The following HECW1 variants were observed in gnomAD, a reference collection of about 807,000 sequenced individuals.
The protein encoded by HECW1 is HECT, C2 and WW domain containing E3 ubiquitin protein ligase 1, also known as E3 ubiquitin-protein ligase HECW1.
Under a neutral mutation model 182.3 loss-of-function variants are expected in HECW1, and 61 were observed. The ratio of observed to expected loss-of-function variants is 0.33; its 90% CI spans 0.27 to 0.41. The LOEUF (loss-of-function observed/expected upper bound fraction) is 0.41, where lower values mean the gene tolerates loss of function less well. Among genes scored for constraint, HECW1 ranks in the 10% least tolerant of loss-of-function variants. HECW1 has a pLI of 1.00. For synonymous variants in HECW1, 859 were observed against 832.6 expected (o/e 1.03, Z -0.55); for missense variants, 1,739 against 2,108.9 (o/e 0.82, Z 3.44).
intron 8 of HECW1, among the ~76,000 whole-genome samples, chr7:43,429,292 A>ATG (rs2076459497): frequency 2.8e-4 from 1 of 3,574 alleles, no homozygotes; most frequent in Non-Finnish European, 5.5e-4. Context: ...TTATATGCAT[A>ATG]TATATATATA....
At chr7:43,326,588 C>T (rs1048184842) in intron 5 of HECW1, among the ~76,000 whole-genome samples, 3 of 152,228 alleles carry the variant, frequency 2.0e-5, no homozygotes, top group African/African-American at 7.2e-5. Context: ...CACCAGACCC[C>T]CTGCCATAAT....
At chr7:43,558,663 G>A (rs1008113755) in intron 29 of HECW1, among the ~76,000 whole-genome samples, 1 of 152,080 alleles carries the variant, frequency 6.6e-6, no homozygotes, top group African/African-American at 2.4e-5. Context: ...AAAGTGAATC[G>A]TGTCAAGCTG....
chr7:43,210,468 T>C (rs1440198664), intron 2 of HECW1, among the ~76,000 whole-genome samples: 1 of 150,304 alleles, frequency 6.7e-6, no homozygotes, highest in East Asian at 2.0e-4. Context: ...TGTGTGTGTG[T>C]GTGTGTGTGG....
intron 6 of HECW1, among the ~76,000 whole-genome samples, chr7:43,388,479 A>G (rs2074889863): frequency 6.6e-6 from 1 of 152,224 alleles, no homozygotes; most frequent in Non-Finnish European, 1.5e-5. Flanking sequence ...TAATTACAAG[A>G]CTTATGAGTG....
intron 2 of HECW1, among the ~76,000 whole-genome samples, chr7:43,174,912 A>G (rs1302815675): frequency 6.6e-6 from 1 of 152,138 alleles, no homozygotes; most frequent in Non-Finnish European, 1.5e-5. Context: ...GTTTTGTTCT[A>G]TTTAAAATTT....
intron 14 of HECW1, among the ~76,000 whole-genome samples, chr7:43,465,631 G>A (rs1324555693): frequency 2.0e-5 from 3 of 152,212 alleles, no homozygotes; most frequent in Non-Finnish European, 4.4e-5. Flanking sequence ...GAAGAGCAGC[G>A]AAGTCCCAAT....
At chr7:43,407,821 C>T in intron 8 of HECW1, 90 bp downstream of exon 8, 1 of 1,148,920 alleles carries the variant, frequency 8.7e-7, no homozygotes, top group Non-Finnish European at 1.2e-6. Flanking sequence ...ATTCATGGAG[C>T]CCTGGACTCT....
intron 2 of HECW1, among the ~76,000 whole-genome samples, chr7:43,218,096 C>T (rs1161018896): frequency 6.6e-6 from 1 of 152,168 alleles, no homozygotes; most frequent in East Asian, 1.9e-4. Context: ...AAGTCTGTGT[C>T]AAAAAGGATT....
chr7:43,202,979 C>T (rs1477846853), intron 2 of HECW1, among the ~76,000 whole-genome samples: 3 of 152,092 alleles, frequency 2.0e-5, no homozygotes, highest in Admixed American at 6.5e-5. Context: ...ACAGCCCCAC[C>T]CCTATCTCCC....
rs1330685542 is a variant in HECW1, at chr7:43,416,212, G to A, written c.801+8481G>A. Among the ~76,000 whole-genome samples the A allele has an allele frequency of 4.7e-3, 687 of 147,106 alleles. 4 individuals carry two copies. Among genetic ancestry groups the A allele is most frequent in the African/African-American group, 0.018 (655 of 36,904 alleles). ...TGATGTACAGATGGGTTTTCGGTGTGGATGTCCTTTCTGTTTGTTAGTTTT... is the reference window on the plus strand; with the variant it reads ...TGATGTACAGATGGGTTTTCGGTGTAGATGTCCTTTCTGTTTGTTAGTTTT... On this transcript the variant is annotated intron_variant, in intron 8 of 29. Coordinates refer to ENST00000395891, the MANE Select transcript of HECW1 (RefSeq NM_015052.5).
intron 5 of HECW1, among the ~76,000 whole-genome samples, chr7:43,331,822 T>C (rs1811533683): frequency 6.6e-6 from 1 of 152,094 alleles, no homozygotes; most frequent in African/African-American, 2.4e-5. Context: ...GAGCTGGGAT[T>C]TGAGGTCAGG....
intron 24 of HECW1, among the ~76,000 whole-genome samples, chr7:43,540,588 CTT>C (rs1563105727): frequency 6.6e-6 from 1 of 152,188 alleles, no homozygotes; most frequent in Admixed American, 6.5e-5. Flanking sequence ...CTCGTTCTGT[CTT>C]TTATGTGGCT....
chr7:43,554,404 C>G (rs2081951833), intron 28 of HECW1, among the ~76,000 whole-genome samples, 188 bp from the exon 29 acceptor site: 2 of 152,206 alleles, frequency 1.3e-5, no homozygotes, highest in South Asian at 4.1e-4. Flanking sequence ...TAAATCTGCT[C>G]TTGTTCTAAA....
chr7:43,450,913 T>C lies in HECW1; in HGVS notation c.2484T>C (p.Asp828=). ...RPEHHHYPTI[D]EPLPPNWEAR... ...AACATCATCACTACCCAACAATCGA[T>C]GAGCCTCTTCCACCAAGTAAGCTTT... The change falls in exon 12 of 30, where the codon GAT becomes GAC. Residue 828 remains aspartate (D), a synonymous_variant. Transcript: ENST00000395891. 6.2e-7 allele frequency: 1 copy of C among 1,603,802 alleles called. No individual in the cohort carries two copies. The highest frequency in any genetic ancestry group is 8.5e-7 in the Non-Finnish European group (1 of 1,170,702).
At chr7:43,124,829 A>T (rs1786031676) in intron 2 of HECW1, among the ~76,000 whole-genome samples, 3 of 151,964 alleles carry the variant, frequency 2.0e-5, no homozygotes, top group Admixed American at 2.0e-4. Flanking sequence ...TAATTTTAAG[A>T]TTTTTTTTCT....
chr7:43,295,607 G>A (rs1327496690), intron 3 of HECW1, among the ~76,000 whole-genome samples: 1 of 152,342 alleles, frequency 6.6e-6, no homozygotes, highest in Non-Finnish European at 1.5e-5. Context: ...AGGGCAGGGA[G>A]GCAAGAGGCC....
chr7:43,460,807 T>G (rs1027067147), intron 13 of HECW1, among the ~76,000 whole-genome samples: 2 of 152,152 alleles, frequency 1.3e-5, no homozygotes, highest in Admixed American at 6.5e-5. Context: ...CTGCATGACC[T>G]GCTTCCCCAA....
intron 2 of HECW1, among the ~76,000 whole-genome samples, chr7:43,173,949 C>T (rs539431818): frequency 4.6e-5 from 7 of 152,128 alleles, no homozygotes; most frequent in East Asian, 1.9e-4. Context: ...TGTGATCCTC[C>T]CCGTCAGCTT....
At chr7:43,322,304 C>G (rs1044415452) in intron 5 of HECW1, among the ~76,000 whole-genome samples, 7 of 152,230 alleles carry the variant, frequency 4.6e-5, no homozygotes, top group African/African-American at 1.7e-4. Flanking sequence ...AGGCAATCCA[C>G]CTGCCTTGGC....
Sources: gnomAD v4.1 joint callset for allele counts (sites outside exome capture counted in the v4.1 genomes callset) on GRCh38, gnomAD v4.1.1 for gene constraint, MANE v1.5 for transcripts, NCBI Gene and HGNC (gene_info 2026-07-23, HGNC 2026-07-21) for gene names.